The following CDC42EP4 variants were observed in gnomAD, a reference collection of about 807,000 sequenced individuals.
CDC42EP4 encodes the protein CDC42 effector protein (Rho GTPase binding) 4.
Under a neutral mutation model 5.6 loss-of-function variants are expected in CDC42EP4, and 6 were observed. That is an observed-to-expected ratio of 1.07 (90% CI 0.59 to 2.12). The LOEUF is 2.12. Among genes scored for constraint, CDC42EP4 ranks in the 30% most tolerant of loss-of-function variants. The pLI, the probability that CDC42EP4 is intolerant of heterozygous loss-of-function variation, is 0.00. For missense variants in CDC42EP4, 490 were observed against 508.6 expected (o/e 0.96, Z 0.35); for synonymous variants, 230 against 224.2 (o/e 1.03, Z -0.23).
intron 1 of CDC42EP4, among the ~76,000 whole-genome samples, chr17:73,297,301 A>ACACACACACACACACAC (rs1568343473): frequency 1.2e-3 from 181 of 147,794 alleles, no homozygotes; most frequent in African/African-American, 4.1e-3. Flanking sequence ...TCTCCAAAAA[A>ACACACACACACACACAC]AAAAAAAAAC....
rs2062114413 is a variant in CDC42EP4 at position 73,283,727 on chromosome 17, T to A, written c.*1703A>T. On this transcript the variant is annotated 3_prime_UTR_variant, in exon 2 of 2. Coordinates refer to ENST00000335793, the MANE Select transcript of CDC42EP4 (RefSeq NM_012121.5). ...GGCCTGGACGGGATTCGAGGGCAGC[T>A]GGCGGGGGCTGCATAGCCCCTGAGG... 1 of 152,200 alleles carries A rather than the reference T, an allele frequency of 6.6e-6. No homozygotes were observed. Among genetic ancestry groups the A allele is most frequent in the Admixed American group, 6.5e-5 (1 of 15,272 alleles). 9.4% of individuals were successfully genotyped at this position (152,200 alleles called of 1,614,324 possible). A position where few individuals can be genotyped will look rare whatever the true frequency, so the allele number is the denominator to read the frequency against.
At chr17:73,307,602 C>A (rs1379243727) in intron 1 of CDC42EP4, among the ~76,000 whole-genome samples, 1 of 151,866 alleles carries the variant, frequency 6.6e-6, no homozygotes. Flanking sequence ...CGCCCACCAC[C>A]AAGCCTAGCT....
At position 73,286,275 on chromosome 17, in the gene CDC42EP4, G is replaced by A. The variant is rs572509297; in HGVS notation, c.226C>T (p.Arg76Cys). ...DEQPSSSSSK[R>C]SLLSRKFRGS... ...CGGAACTTCCTGGACAGGAGACTGCGTTTGGAAGATGAAGAAGAGGGCTGT... is the reference window on the plus strand; with the variant it reads ...CGGAACTTCCTGGACAGGAGACTGCATTTGGAAGATGAAGAAGAGGGCTGT... Residue 76 changes from arginine to cysteine, a missense_variant, in exon 2 of 2, where the codon CGC becomes TGC. Arg to Cys is a radical substitution (Grantham distance 180). Coordinates refer to ENST00000335793, the MANE Select transcript of CDC42EP4 (RefSeq NM_012121.5). The surrounding 1 kb of genome is among the most constrained non-coding windows in gnomAD (Gnocchi z 7.7). The A allele has an allele frequency of 3.7e-5, 59 of 1,614,098 alleles. No individual in the cohort carries two copies. The East Asian group carries it at 4.0e-4, about 11-fold the overall frequency.
intron 1 of CDC42EP4, among the ~76,000 whole-genome samples, chr17:73,296,540 G>A (rs1444287692): frequency 6.6e-6 from 1 of 152,120 alleles, no homozygotes; most frequent in East Asian, 1.9e-4. Flanking sequence ...TGGAAAGTGG[G>A]AACTATGAAG....
rs762458530 is a variant in CDC42EP4 at position 73,286,561 on chromosome 17, C to A, written c.-61G>T. The A allele has an allele frequency of 2.2e-6, 3 of 1,334,198 alleles. No homozygotes were observed. The allele number at this position is 1,334,198 out of a possible 1,614,324, so 82.6% of individuals were successfully genotyped here. A position where few individuals can be genotyped will look rare whatever the true frequency, so the allele number is the denominator to read the frequency against. ...GTAGCCGGCAGGTCTGGGGTCAGAT[C>A]TGAAGTCCAAGTCCAGTGGGCAGAG... On this transcript the variant is annotated 5_prime_UTR_variant, in exon 2 of 2. Transcript: ENST00000335793. The surrounding 1 kb of genome is among the most constrained non-coding windows in gnomAD (Gnocchi z 7.7).
At chr17:73,297,124 T>C (rs2062191755) in intron 1 of CDC42EP4, among the ~76,000 whole-genome samples, 1 of 149,948 alleles carries the variant, frequency 6.7e-6, no homozygotes, top group South Asian at 2.1e-4. Context: ...TGAAACCCCA[T>C]CTCTACTAAA....
Position 73,285,355 on chromosome 17 carries a change from G to T in CDC42EP4, c.*75C>A. The stretch of plus-strand genomic sequence containing the variant: ...GGTCCTGGCTGCCCCTGCGCCGTAG[G>T]GTCAAAGGTCATAGTGGGGTGGGGG... On this transcript the variant is annotated 3_prime_UTR_variant, in exon 2 of 2. Coordinates refer to ENST00000335793, the MANE Select transcript of CDC42EP4 (RefSeq NM_012121.5). This position sits in a 1 kb window ranked among gnomAD's most constrained non-coding sequence, Gnocchi z 6.8. The T allele has an allele frequency of 1.6e-6, 2 of 1,239,028 alleles. No individual in the cohort carries two copies. Among genetic ancestry groups the T allele is most frequent in the Non-Finnish European group, 2.3e-6 (2 of 882,248 alleles). 76.8% of individuals were successfully genotyped at this position (1,239,028 alleles called of 1,614,324 possible).
At chr17:73,306,181 G>A (rs568677542) in intron 1 of CDC42EP4, among the ~76,000 whole-genome samples, 6 of 152,132 alleles carry the variant, frequency 3.9e-5, no homozygotes, top group Non-Finnish European at 7.4e-5. Context: ...CCAGACCCCG[G>A]GTGCTACTAG....
At chr17:73,306,607 T>C (rs1490431262) in intron 1 of CDC42EP4, 7 of 152,270 alleles carry the variant, frequency 4.6e-5, no homozygotes, top group Non-Finnish European at 1.0e-4. Flanking sequence ...CCACAAATCG[T>C]ACTGCGAGCC....
At chr17:73,288,819 C>T (rs941764068) in intron 1 of CDC42EP4, among the ~76,000 whole-genome samples, 1 of 152,216 alleles carries the variant, frequency 6.6e-6, no homozygotes, top group African/African-American at 2.4e-5. Context: ...AATGTCCCCC[C>T]TCCCAGTGCC....
intron 1 of CDC42EP4, among the ~76,000 whole-genome samples, chr17:73,299,519 G>A (rs1320238856): frequency 1.3e-5 from 2 of 151,204 alleles, no homozygotes; most frequent in Non-Finnish European, 2.9e-5. Flanking sequence ...TGCCCAGGCT[G>A]CTCTTGAACT....
At chr17:73,303,298 G>A (rs994867600) in intron 1 of CDC42EP4, among the ~76,000 whole-genome samples, 3 of 151,630 alleles carry the variant, frequency 2.0e-5, no homozygotes, top group African/African-American at 7.3e-5. Context: ...AGCCGAGATC[G>A]CACCCTTACA....
intron 1 of CDC42EP4, chr17:73,310,790 C>CAA (rs1254163404): frequency 7.4e-6 from 1 of 134,620 alleles, no homozygotes; most frequent in African/African-American, 2.7e-5. Flanking sequence ...CACACACACA[C>CAA]ACACGCACTT....
Position 73,285,859 on chromosome 17 carries a change from C to T in CDC42EP4, c.642G>A (p.Gly214=). 1 of 1,614,058 alleles carries T rather than the reference C, an allele frequency of 6.2e-7. No homozygotes were observed. ...TGAGGACGTCACCCAGCATGGAGGG[C>T]CCCAGGTCGATGTGGAAGGACATGA... ...ESIMSFHIDL[G]PSMLGDVLSI... The change falls in exon 2 of 2, where the codon GGG becomes GGA. Residue 214 remains glycine (G), a synonymous_variant. Transcript: ENST00000335793. The surrounding 1 kb of genome is among the most constrained non-coding windows in gnomAD (Gnocchi z 6.8).
intron 1 of CDC42EP4, among the ~76,000 whole-genome samples, chr17:73,304,584 GGAGA>G (rs995207243): frequency 8.1e-5 from 12 of 148,352 alleles, no homozygotes; most frequent in Non-Finnish European, 1.2e-4. Context: ...CGGTTGGTTA[GGAGA>G]GAGAGACAAG....
At chr17:73,298,337 C>T (rs936142923) in intron 1 of CDC42EP4, among the ~76,000 whole-genome samples, 1 of 152,204 alleles carries the variant, frequency 6.6e-6, no homozygotes, top group Non-Finnish European at 1.5e-5. Context: ...TCTCAAAAAA[C>T]AGAACTCGCT....
At position 73,284,361 on chromosome 17, in the gene CDC42EP4, A is replaced by C. The variant is rs1459301272; in HGVS notation, c.*1069T>G. On this transcript the variant is annotated 3_prime_UTR_variant, in exon 2 of 2. Coordinates refer to ENST00000335793, the MANE Select transcript of CDC42EP4 (RefSeq NM_012121.5). ...CATAGGAATGATATATTATTTAAAA[A>C]AAAAATCGTTCTCCAAAAATATTCT... 1.3e-5 allele frequency: 2 copies of C among 152,212 alleles called. No individual in the cohort carries two copies. The highest frequency in any genetic ancestry group is 2.9e-5 in the Non-Finnish European group (2 of 68,036). 9.4% of individuals were successfully genotyped at this position (152,212 alleles called of 1,614,324 possible).
intron 1 of CDC42EP4, among the ~76,000 whole-genome samples, chr17:73,297,301 A>C (rs1374558244): frequency 5.5e-4 from 81 of 147,798 alleles, no homozygotes; most frequent in African/African-American, 1.9e-3. Flanking sequence ...TCTCCAAAAA[A>C]AAAAAAAAAC....
intron 1 of CDC42EP4, among the ~76,000 whole-genome samples, chr17:73,296,210 CCT>C (rs2062183800): frequency 6.9e-6 from 1 of 144,700 alleles, no homozygotes; most frequent in African/African-American, 2.6e-5. Flanking sequence ...ATGGCGAAAC[CCT>C]GTCTCTACTA....
Sources: allele counts gnomAD v4.1 joint callset (sites outside exome capture counted in the v4.1 genomes callset), GRCh38; gene constraint gnomAD v4.1.1; non-coding constraint Gnocchi (gnomAD v3.1); transcripts MANE v1.5; gene names NCBI Gene and HGNC (gene_info 2026-07-23, HGNC 2026-07-21).